Variants in LTBP1 observed in about 807,000 individuals in gnomAD.
LTBP1 encodes latent-transforming growth factor beta-binding protein 1.
Under a neutral mutation model 207.6 loss-of-function variants are expected in LTBP1, and 129 were observed. The observed-to-expected ratio is 0.62, with a 90% CI of 0.54 to 0.72. The LOEUF (loss-of-function observed/expected upper bound fraction) is 0.72. LTBP1 is among the 30% of genes least tolerant of loss of function. The probability of loss-of-function intolerance (pLI) is 0.00; values close to 1 mark genes in which losing one functional copy is unlikely to be tolerated. For synonymous variants in LTBP1, 963 were observed against 833.7 expected (o/e 1.16, Z -2.67); for missense variants, 2,281 against 2,217.2 (o/e 1.03, Z -0.58).
At chr2:33,189,676 A>G (rs1018793616) in intron 7 of LTBP1, among the ~76,000 whole-genome samples, 1 of 152,206 alleles carries the variant, frequency 6.6e-6, no homozygotes, top group African/African-American at 2.4e-5. Flanking sequence ...ATTGTGCAAT[A>G]ATAATTCATG....
intron 9 of LTBP1, among the ~76,000 whole-genome samples, chr2:33,226,365 C>A (rs1389298968): frequency 6.6e-6 from 1 of 152,120 alleles, no homozygotes. Flanking sequence ...CTGGCATACC[C>A]CAAAGTTGGG....
intron 3 of LTBP1, among the ~76,000 whole-genome samples, chr2:33,040,326 A>C (rs147063281): frequency 6.6e-6 from 1 of 152,228 alleles, no homozygotes; most frequent in African/African-American, 2.4e-5. Flanking sequence ...GCCAACACAC[A>C]TGACGATTAG....
chr2:33,200,383 C>T (rs924352787), intron 7 of LTBP1, among the ~76,000 whole-genome samples: 2 of 152,254 alleles, frequency 1.3e-5, no homozygotes, highest in South Asian at 2.1e-4. Context: ...GGAAAGGATT[C>T]CCTATTTAAT....
At chr2:33,112,154 G>A (rs1252001724) in intron 4 of LTBP1, among the ~76,000 whole-genome samples, 1 of 152,174 alleles carries the variant, frequency 6.6e-6, no homozygotes, top group Non-Finnish European at 1.5e-5. Flanking sequence ...GATAAGAGAA[G>A]AGAATTCTGA....
At chr2:33,237,917 C>T (rs763437470) in intron 9 of LTBP1, among the ~76,000 whole-genome samples, 2 of 152,208 alleles carry the variant, frequency 1.3e-5, no homozygotes, top group Non-Finnish European at 2.9e-5. Context: ...AAAGAAACAT[C>T]TGAAGGCTGA....
chr2:33,395,131 T>G (rs934143179), intron 32 of LTBP1, among the ~76,000 whole-genome samples: 1 of 152,226 alleles, frequency 6.6e-6, no homozygotes, highest in African/African-American at 2.4e-5. Context: ...TACAAAATAC[T>G]TCTACTGAGT....
intron 3 of LTBP1, among the ~76,000 whole-genome samples, chr2:33,082,705 G>A (rs2078516687): frequency 1.3e-5 from 2 of 152,108 alleles, no homozygotes; most frequent in African/African-American, 4.8e-5. Context: ...GATTACAGGC[G>A]TGAACCACCA....
chr2:32,981,181 C>G lies in LTBP1; in HGVS notation c.565+32236C>G, dbSNP rs72867826. ...GTAAACTTTCTACCCCAGTCTCTCT[C>G]TCTACCTCCTCTTTAAGGTCAGTAA... On this transcript the variant is annotated intron_variant, in intron 2 of 33. Coordinates refer to ENST00000404816, the MANE Select transcript of LTBP1 (RefSeq NM_206943.4). Among the ~76,000 whole-genome samples the G allele has an allele frequency of 3.7e-3, 568 of 152,316 alleles. 3 individuals carry two copies. Among genetic ancestry groups the G allele is most frequent in the African/African-American group, 0.013 (549 of 41,556 alleles).
At chr2:33,240,208 C>T (rs2092259053) in intron 9 of LTBP1, among the ~76,000 whole-genome samples, 2 of 152,162 alleles carry the variant, frequency 1.3e-5, no homozygotes, top group Non-Finnish European at 2.9e-5. Flanking sequence ...TTACCATTCA[C>T]CCATCACGTT....
chr2:33,240,899 C>T (rs535511230), intron 9 of LTBP1, among the ~76,000 whole-genome samples: 3 of 152,176 alleles, frequency 2.0e-5, no homozygotes, highest in South Asian at 4.1e-4. Context: ...ATCTGCCCAC[C>T]TCGGCCTCCC....
intron 2 of LTBP1, among the ~76,000 whole-genome samples, chr2:32,954,525 C>T (rs894544228): frequency 4.0e-5 from 6 of 150,286 alleles, no homozygotes; most frequent in Admixed American, 6.7e-5. Context: ...ATCAGTCATA[C>T]TGTATTAGGG....
chr2:33,304,508 G>C (rs2094052637), intron 22 of LTBP1, among the ~76,000 whole-genome samples: 1 of 152,194 alleles, frequency 6.6e-6, no homozygotes, highest in Non-Finnish European at 1.5e-5. Flanking sequence ...CGTAGAGTCA[G>C]ACTCCCAAGT....
chr2:33,379,196 CTTT>C (rs550839552), intron 31 of LTBP1, among the ~76,000 whole-genome samples: 3,051 of 108,550 alleles, frequency 0.028, 21 homozygotes, highest in Middle Eastern at 0.047. Context: ...TTTGCCATTG[CTTT>C]TTTTTTTTTT....
Position 33,006,610 on chromosome 2 carries a change from T to G in LTBP1, c.566-14299T>G, listed in dbSNP as rs113676784. Among the ~76,000 whole-genome samples the G allele has an allele frequency of 3.7e-3, 561 of 152,056 alleles. 3 individuals carry two copies. Among genetic ancestry groups the G allele is most frequent in the African/African-American group, 0.013 (540 of 41,434 alleles). On this transcript the variant is annotated intron_variant, in intron 2 of 33. Coordinates refer to ENST00000404816, the MANE Select transcript of LTBP1 (RefSeq NM_206943.4). The stretch of plus-strand genomic sequence containing the variant: ...GTTGGCCAGGCTGGTCTCAAACTCC[T>G]GACTTCAAGTGATCTGCCCATCTTG...
intron 18 of LTBP1, 71 bp downstream of exon 18, chr2:33,275,994 T>G (rs936753840): frequency 1.3e-6 from 2 of 1,494,250 alleles, no homozygotes; most frequent in Admixed American, 2.4e-5. Context: ...TGCCTGGTTC[T>G]TGTTTCCTTC....
chr2:32,981,558 G>A (rs987856858), intron 2 of LTBP1, among the ~76,000 whole-genome samples: 1 of 152,158 alleles, frequency 6.6e-6, no homozygotes, highest in Non-Finnish European at 1.5e-5. Context: ...TTACATGCAG[G>A]ACTGGAAAGT....
intron 24 of LTBP1, among the ~76,000 whole-genome samples, chr2:33,328,020 A>G (rs555967324): frequency 1.3e-5 from 2 of 152,094 alleles, no homozygotes; most frequent in South Asian, 4.2e-4. Context: ...CTGTAATCTC[A>G]GCTACTTGGG....
intron 25 of LTBP1, among the ~76,000 whole-genome samples, chr2:33,344,105 T>C (rs1387187418): frequency 1.3e-5 from 2 of 152,244 alleles, no homozygotes; most frequent in Non-Finnish European, 2.9e-5. Context: ...AATGATAATG[T>C]CACTTAATAA....
At chr2:33,162,529 G>A (rs539401430) in intron 5 of LTBP1, among the ~76,000 whole-genome samples, 2 of 152,262 alleles carry the variant, frequency 1.3e-5, no homozygotes, top group South Asian at 2.1e-4. Flanking sequence ...TCAAATTTAA[G>A]CTTTCCTGTT....
Sources: gnomAD v4.1 joint callset for allele counts (sites outside exome capture counted in the v4.1 genomes callset) on GRCh38, gnomAD v4.1.1 for gene constraint, MANE v1.5 for transcripts, NCBI Gene and HGNC (gene_info 2026-07-23, HGNC 2026-07-21) for gene names.